SEMA6D: variants seen among roughly 807,000 people sequenced by gnomAD.
The protein encoded by SEMA6D is semaphorin 6D, also known as semaphorin-6D.
Under a neutral mutation model 106.6 loss-of-function variants are expected in SEMA6D, and 35 were observed. The ratio of observed to expected loss-of-function variants is 0.33; its 90% CI spans 0.25 to 0.44. The LOEUF (loss-of-function observed/expected upper bound fraction) is 0.44, where lower values mean the gene tolerates loss of function less well. Among genes scored for constraint, SEMA6D ranks in the 20% least tolerant of loss-of-function variants. SEMA6D has a pLI of 1.00. For missense variants in SEMA6D, 1,185 were observed against 1,345.9 expected (o/e 0.88, Z 1.87); for synonymous variants, 499 against 487.7 (o/e 1.02, Z -0.31).
intron 3 of SEMA6D, among the ~76,000 whole-genome samples, chr15:47,587,530 A>C (rs1353418911): frequency 1.3e-5 from 2 of 152,196 alleles, no homozygotes; most frequent in South Asian, 2.1e-4. Context: ...CAAGTCCACT[A>C]TATATGGTGC....
At chr15:47,730,321 C>T (rs1221359061) in intron 1 of SEMA6D, 2 of 1,501,324 alleles carry the variant, frequency 1.3e-6, no homozygotes, top group Non-Finnish European at 1.8e-6. Flanking sequence ...CTTCCGAGTT[C>T]ACCTGTGTGA....
chr15:47,394,055 A>G (rs1224105685), intron 1 of SEMA6D, among the ~76,000 whole-genome samples: 1 of 152,114 alleles, frequency 6.6e-6, no homozygotes, highest in Admixed American at 6.6e-5. Context: ...TACTCTCTTA[A>G]TCAGTTTGCT....
At chr15:47,664,495 TCACAGCTATA>T (rs1347840206) in intron 4 of SEMA6D, among the ~76,000 whole-genome samples, 1 of 152,170 alleles carries the variant, frequency 6.6e-6, no homozygotes, top group East Asian at 1.9e-4. Flanking sequence ...TTGTCATGTA[TCACAGCTATA>T]CAGTATTCAA....
At chr15:47,765,090 T>G (rs748030419) in intron 13 of SEMA6D, 34 bp downstream of exon 13, 18 of 1,597,594 alleles carry the variant, frequency 1.1e-5, no homozygotes, top group South Asian at 6.7e-5. Context: ...CCTTCAGCAC[T>G]GCTCAAAAAT....
At chr15:47,716,703 T>C (rs1204302271), upstream of SEMA6D, among the ~76,000 whole-genome samples, 1 of 152,082 alleles carries the variant, frequency 6.6e-6, no homozygotes, top group Non-Finnish European at 1.5e-5. Context: ...CAATTTTAAA[T>C]GATGTCACTT....
chr15:47,702,867 G>C (rs2078840907), intron 4 of SEMA6D, among the ~76,000 whole-genome samples: 2 of 152,102 alleles, frequency 1.3e-5, no homozygotes, highest in African/African-American at 4.8e-5. Context: ...AAGGAGGGAT[G>C]AGTAATCAGA....
chr15:47,231,849 T>G (rs2032216963), intron 1 of SEMA6D, among the ~76,000 whole-genome samples: 1 of 152,020 alleles, frequency 6.6e-6, no homozygotes, highest in African/African-American at 2.4e-5. Flanking sequence ...AACATAAAAT[T>G]CACATAACAT....
Position 47,663,710 on chromosome 15 carries a change from G to A in SEMA6D, c.-55+62814G>A, listed in dbSNP as rs1404927019. Reference sequence around the variant, plus strand: ...TTCGAGGCGCCTGTGAATGTAATTCGAAAACAGAGTTGCTAGAAATTCCAA... The same window carrying A: ...TTCGAGGCGCCTGTGAATGTAATTCAAAAACAGAGTTGCTAGAAATTCCAA... On this transcript the variant is annotated intron_variant, in intron 4 of 19. Coordinates refer to the SEMA6D transcript ENST00000558014. Among the ~76,000 whole-genome samples, 7 of 152,164 alleles carry A rather than the reference G, an allele frequency of 4.6e-5. 1 individual carries two copies. Among genetic ancestry groups the A allele is most frequent in the African/African-American group, 9.7e-5 (4 of 41,442 alleles).
At chr15:47,628,103 A>G (rs1445307012) in intron 4 of SEMA6D, among the ~76,000 whole-genome samples, 4 of 152,170 alleles carry the variant, frequency 2.6e-5, no homozygotes, top group South Asian at 4.1e-4. Flanking sequence ...CATACTATGG[A>G]TATGATATAC....
intron 2 of SEMA6D, among the ~76,000 whole-genome samples, chr15:47,414,863 T>C (rs1325627397): frequency 6.6e-6 from 1 of 152,152 alleles, no homozygotes; most frequent in Non-Finnish European, 1.5e-5. Flanking sequence ...CCTAAAACCA[T>C]ACCTGATTTT....
chr15:47,748,335 T>A (rs190805728), intron 1 of SEMA6D, among the ~76,000 whole-genome samples: 2 of 152,380 alleles, frequency 1.3e-5, no homozygotes, highest in East Asian at 3.9e-4. Context: ...CTTCTTTCTT[T>A]ATTTCTTCCT....
intron 1 of SEMA6D, among the ~76,000 whole-genome samples, chr15:47,735,205 C>T (rs932948644): frequency 6.6e-5 from 10 of 152,208 alleles, no homozygotes; most frequent in African/African-American, 2.4e-4. Flanking sequence ...ACTAACCAAT[C>T]AAAACAGACC....
intron 17 of SEMA6D, 114 bp downstream of exon 17, chr15:47,767,207 T>G: frequency 1.5e-6 from 1 of 648,346 alleles, no homozygotes; most frequent in Admixed American, 3.3e-5. Context: ...TTTTTCCGCT[T>G]TGACTCATAT....
intron 3 of SEMA6D, among the ~76,000 whole-genome samples, chr15:47,511,008 G>C (rs533324061): frequency 6.6e-6 from 1 of 152,296 alleles, no homozygotes; most frequent in Admixed American, 6.5e-5. Context: ...GAAAATCTGG[G>C]TGTATAATAG....
At chr15:47,594,847 T>C (rs947511151) in intron 3 of SEMA6D, among the ~76,000 whole-genome samples, 3 of 152,142 alleles carry the variant, frequency 2.0e-5, no homozygotes, top group African/African-American at 7.2e-5. Context: ...GGAGCAGATG[T>C]TTGTCAGGTG....
intron 3 of SEMA6D, among the ~76,000 whole-genome samples, chr15:47,569,322 C>T (rs940491182): frequency 1.3e-5 from 2 of 152,102 alleles, no homozygotes; most frequent in Non-Finnish European, 1.5e-5. Flanking sequence ...TCTGCCCTGC[C>T]CTCTGTCCTC....
At chr15:47,552,853 AATATATATATATTTTTAT>A (rs1566882742) in intron 3 of SEMA6D, among the ~76,000 whole-genome samples, 4 of 66,890 alleles carry the variant, frequency 6.0e-5, no homozygotes, top group African/African-American at 3.9e-4. Flanking sequence ...AATATATATA[AATATATATATATTTTTAT>A]ATATATATAA....
At chr15:47,566,905 G>C (rs1045790073) in intron 3 of SEMA6D, among the ~76,000 whole-genome samples, 1 of 119,780 alleles carries the variant, frequency 8.3e-6, no homozygotes, top group East Asian at 2.1e-4. Flanking sequence ...GTTTATTTAA[G>C]AATAAAACAA....
chr15:47,770,998 G>A lies in SEMA6D; in HGVS notation c.2435G>A (p.Ser812Asn), dbSNP rs1425937406. ...GAAACCCCTCAGTTTTTTCCGTCTA[G>A]TCCGCCACCTCATTCCCCATTAAGT... The part of the protein sequence containing the change: ...RKETPQFFPS[S>N]PPPHSPLSHG... Residue 812 changes from serine to asparagine, a missense_variant, in exon 19 of 19, where the codon AGT (serine) becomes AAT (asparagine). Around this residue, in one of 3 missense-constraint regions of SEMA6D, gnomAD observed 750 missense variants for 783.5 expected, o/e 0.96. Coordinates refer to ENST00000536845, the MANE Select transcript of SEMA6D (RefSeq NM_001358351.3). 4 of 1,613,932 alleles carry A rather than the reference G, an allele frequency of 2.5e-6. No homozygotes were observed. In the African/African-American group the frequency reaches 5.3e-5, roughly 22 times the overall value.
Sources: allele counts gnomAD v4.1 joint callset (sites outside exome capture counted in the v4.1 genomes callset), GRCh38; gene constraint gnomAD v4.1.1; regional missense constraint gnomAD v4.1.1; transcripts MANE v1.5; gene names NCBI Gene and HGNC (gene_info 2026-07-23, HGNC 2026-07-21).